Variants in PRELID2 observed in about 807,000 individuals in gnomAD.
PRELID2 encodes PRELI domain-containing protein 2.
PRELID2 carries 25 observed loss-of-function variants against 28.4 expected under a neutral mutation model. That is an observed-to-expected ratio of 0.88 (90% confidence interval 0.64 to 1.23). PRELID2 has a LOEUF of 1.23. PRELID2 is among the 50% of genes most tolerant of loss of function. The pLI, the probability that PRELID2 is intolerant of heterozygous loss-of-function variation, is 0.00. For missense variants in PRELID2, 201 were observed against 214.4 expected (o/e 0.94, Z 0.39); for synonymous variants, 76 against 71.6 (o/e 1.06, Z -0.31).
chr5:145,431,562 T>G, the PRELID2 span, among the ~76,000 whole-genome samples: 1 of 152,328 alleles, frequency 6.6e-6, no homozygotes, highest in East Asian at 1.9e-4. Flanking sequence ...GGACAAATCA[T>G]GCACCACCTG....
chr5:145,445,832 G>A, the PRELID2 span, among the ~76,000 whole-genome samples: 2 of 151,936 alleles, frequency 1.3e-5, no homozygotes, highest in Admixed American at 6.6e-5. Flanking sequence ...TCTCCAGATA[G>A]AATGGCTATT....
intron 1 of PRELID2, among the ~76,000 whole-genome samples, chr5:145,717,023 C>T (rs571011112): frequency 4.6e-5 from 7 of 151,992 alleles, no homozygotes; most frequent in South Asian, 4.2e-4. Flanking sequence ...TCTGTGTGCA[C>T]TATACTGCTA....
At chr5:145,374,148 T>A in the PRELID2 span, among the ~76,000 whole-genome samples, 1 of 151,826 alleles carries the variant, frequency 6.6e-6, no homozygotes, top group East Asian at 1.9e-4. Context: ...ATTTAGTGCT[T>A]CTTTCAGGAG....
intron 1 of PRELID2, among the ~76,000 whole-genome samples, chr5:145,519,158 C>T (rs1365440056): frequency 6.6e-6 from 1 of 152,172 alleles, no homozygotes; most frequent in African/African-American, 2.4e-5. Context: ...AGTTATCTAG[C>T]ACTAGGAGCC....
chr5:145,522,375 GTATC>G (rs1488621950), intron 1 of PRELID2, among the ~76,000 whole-genome samples: 1 of 151,554 alleles, frequency 6.6e-6, no homozygotes, highest in Non-Finnish European at 1.5e-5. Context: ...TTATCACTGT[GTATC>G]TATCTATAGA....
chr5:145,471,333 A>G (rs548065789), downstream of PRELID2, among the ~76,000 whole-genome samples: 1 of 152,250 alleles, frequency 6.6e-6, no homozygotes, highest in South Asian at 2.1e-4. Flanking sequence ...ACAATAAACC[A>G]TAACTGCCTT....
At chr5:145,391,456 G>A in the PRELID2 span, among the ~76,000 whole-genome samples, 3 of 152,164 alleles carry the variant, frequency 2.0e-5, no homozygotes, top group South Asian at 2.1e-4. Context: ...AGAGGCCCGT[G>A]GCCTGGCCAC....
the PRELID2 span, among the ~76,000 whole-genome samples, chr5:145,241,416 C>A: frequency 1.7e-4 from 26 of 152,142 alleles, no homozygotes; most frequent in East Asian, 4.8e-3. Flanking sequence ...CAACCACATG[C>A]AACCATCATT....
Position 145,760,113 on chromosome 5 carries a change from C to G in PRELID2, c.*423G>C, listed in dbSNP as rs766813073. 6.6e-6 allele frequency: 1 copy of G among 152,104 alleles called. No individual in the cohort carries two copies. Among genetic ancestry groups the G allele is most frequent in the Non-Finnish European group, 1.5e-5 (1 of 68,038 alleles). 9.4% of individuals were successfully genotyped at this position (152,104 alleles called of 1,614,324 possible). A position where few individuals can be genotyped will look rare whatever the true frequency, so the allele number is the denominator to read the frequency against. On this transcript the variant is annotated 3_prime_UTR_variant, in exon 7 of 7. Coordinates refer to ENST00000683046, the MANE Select transcript of PRELID2 (RefSeq NM_205846.3). ...CCTTATTGGTTCCAGAATCCCCTCA[C>G]GAATCCTAGGAACAACGGTGCTGAT...
At chr5:145,659,268 T>C (rs10515552) in intron 1 of PRELID2, among the ~76,000 whole-genome samples, 10,440 of 152,256 alleles carry the variant, frequency 0.069, 546 homozygotes, top group Admixed American at 0.18. Flanking sequence ...AGCACCATTA[T>C]CTCATTGATT....
At chr5:145,405,712 T>G in the PRELID2 span, among the ~76,000 whole-genome samples, 8 of 147,692 alleles carry the variant, frequency 5.4e-5, no homozygotes, top group East Asian at 2.0e-4. Flanking sequence ...GTTTTTTTTT[T>G]TTTTTTTTTT....
the PRELID2 span, among the ~76,000 whole-genome samples, chr5:145,438,066 C>T: frequency 6.6e-6 from 1 of 152,114 alleles, no homozygotes; most frequent in Admixed American, 6.6e-5. Flanking sequence ...TCTTATTTTT[C>T]CTCACCTGAG....
chr5:145,432,787 T>C, the PRELID2 span, among the ~76,000 whole-genome samples: 2 of 152,162 alleles, frequency 1.3e-5, no homozygotes, highest in African/African-American at 2.4e-5. Flanking sequence ...AAGAAACCTC[T>C]TTCTGCCTGC....
intron 1 of PRELID2, among the ~76,000 whole-genome samples, chr5:145,631,266 C>A (rs1753928324): frequency 6.6e-6 from 1 of 152,122 alleles, no homozygotes; most frequent in Non-Finnish European, 1.5e-5. Flanking sequence ...ACCTGGAAGA[C>A]CTTATTAGGT....
At chr5:145,794,222 G>A (rs1561616207) in intron 5 of PRELID2, among the ~76,000 whole-genome samples, 2 of 152,258 alleles carry the variant, frequency 1.3e-5, no homozygotes, top group East Asian at 3.9e-4. Context: ...AAGAGCTGAA[G>A]AAGGAATACC....
At chr5:145,300,307 C>A in the PRELID2 span, among the ~76,000 whole-genome samples, 518 of 152,182 alleles carry the variant, frequency 3.4e-3, 1 homozygote, top group African/African-American at 0.012. Flanking sequence ...TCCCCAAGGA[C>A]CACTCGTTTC....
intron 5 of PRELID2, among the ~76,000 whole-genome samples, chr5:145,793,078 T>C (rs956094192): frequency 2.0e-5 from 3 of 152,242 alleles, no homozygotes; most frequent in South Asian, 2.1e-4. Context: ...AGATTTCCAC[T>C]CCAGGAGGAA....
intron 1 of PRELID2, among the ~76,000 whole-genome samples, chr5:145,648,501 A>AT (rs1183692418): frequency 6.7e-6 from 1 of 148,636 alleles, no homozygotes; most frequent in Non-Finnish European, 1.5e-5. Context: ...TTGAGTTTTC[A>AT]TTTTTTGTTA....
intron 1 of PRELID2, among the ~76,000 whole-genome samples, chr5:145,582,080 T>G (rs1753112045): frequency 6.6e-6 from 1 of 152,038 alleles, no homozygotes; most frequent in Non-Finnish European, 1.5e-5. Context: ...TCTATTCATA[T>G]TATTGTGGTT....
Sources: gnomAD v4.1 joint callset for allele counts (sites outside exome capture counted in the v4.1 genomes callset) on GRCh38, gnomAD v4.1.1 for gene constraint, MANE v1.5 for transcripts, NCBI Gene and HGNC (gene_info 2026-07-23, HGNC 2026-07-21) for gene names.